Variants in FAM117B observed in about 807,000 individuals in gnomAD.
FAM117B encodes the protein family with sequence similarity 117 member B.
In FAM117B, 22 loss-of-function variants were observed where a neutral mutation model predicts 52.8. The observed-to-expected ratio is 0.42, with a 90% CI of 0.30 to 0.59. The LOEUF is 0.59. Among genes scored for constraint, FAM117B ranks in the 20% least tolerant of loss-of-function variants. The pLI is 0.22. For missense variants in FAM117B, 678 were observed against 802.6 expected (o/e 0.84, Z 1.88); for synonymous variants, 309 against 324.1 (o/e 0.95, Z 0.50).
At chr2:202,759,439 G>T in intron 7 of FAM117B, 86 bp downstream of exon 7, 1 of 1,519,536 alleles carries the variant, frequency 6.6e-7, no homozygotes, top group Non-Finnish European at 8.8e-7. Flanking sequence ...ATCTAGGCTG[G>T]ACTGCACTGA....
At chr2:202,715,142 G>C (rs1691025628) in intron 2 of FAM117B, among the ~76,000 whole-genome samples, 1 of 151,062 alleles carries the variant, frequency 6.6e-6, no homozygotes, top group Non-Finnish European at 1.5e-5. Context: ...CCCGGACGGG[G>C]CGGCTGGCCG....
chr2:202,637,738 A>G (rs73992615), intron 1 of FAM117B, among the ~76,000 whole-genome samples: 13,734 of 152,048 alleles, frequency 0.09, 2,087 homozygotes, highest in African/African-American at 0.31. Context: ...CAGAGTTGGT[A>G]TTTATTTGAA....
At chr2:202,707,789 G>A (rs199884472) in intron 2 of FAM117B, among the ~76,000 whole-genome samples, 3 of 148,448 alleles carry the variant, frequency 2.0e-5, no homozygotes, top group East Asian at 2.0e-4. Context: ...TTTTTTTTGA[G>A]ACAGAGTCTT....
intron 2 of FAM117B, among the ~76,000 whole-genome samples, chr2:202,719,440 T>C (rs908343544): frequency 3.9e-5 from 6 of 152,316 alleles, no homozygotes; most frequent in Non-Finnish European, 7.4e-5. Flanking sequence ...GCAAGGATAT[T>C]AAGTACCAGT....
At chr2:202,699,884 A>G (rs1329755223) in intron 2 of FAM117B, among the ~76,000 whole-genome samples, 1 of 152,024 alleles carries the variant, frequency 6.6e-6, no homozygotes, top group East Asian at 1.9e-4. Context: ...TCTCTGCCCC[A>G]TTTTGGTAGT....
chr2:202,687,224 A>G (rs1690554746), intron 1 of FAM117B, among the ~76,000 whole-genome samples: 1 of 152,224 alleles, frequency 6.6e-6, no homozygotes, highest in South Asian at 2.1e-4. Context: ...TTTGTATGAC[A>G]CCTTTTAAAA....
At chr2:202,685,425 C>T (rs952981463) in intron 1 of FAM117B, among the ~76,000 whole-genome samples, 2 of 152,138 alleles carry the variant, frequency 1.3e-5, no homozygotes, top group African/African-American at 4.8e-5. Context: ...ATAATATAAG[C>T]CTGCAGTTAA....
At chr2:202,680,407 C>CT (rs1203808672) in intron 1 of FAM117B, among the ~76,000 whole-genome samples, 2 of 151,944 alleles carry the variant, frequency 1.3e-5, no homozygotes, top group African/African-American at 4.8e-5. Flanking sequence ...TACCCTAAAA[C>CT]TTAAAGTATA....
At chr2:202,668,146 A>G (rs1690233793) in intron 1 of FAM117B, among the ~76,000 whole-genome samples, 1 of 140,522 alleles carries the variant, frequency 7.1e-6, no homozygotes, top group African/African-American at 2.8e-5. Flanking sequence ...ATAAAAATAT[A>G]TAAATATATA....
chr2:202,661,768 T>C (rs761865674), intron 1 of FAM117B, among the ~76,000 whole-genome samples: 1 of 151,818 alleles, frequency 6.6e-6, no homozygotes, highest in Non-Finnish European at 1.5e-5. Flanking sequence ...ATACAAAAAT[T>C]AGCCGGGCAT....
At position 202,690,259 on chromosome 2, in the gene FAM117B, G is replaced by A. The variant is rs577306206; in HGVS notation, c.602-5622G>A. ...TTATTTACTTTGAATTAACCAAAAA[G>A]CATGTGAATTTATTGCATACACTTG... is the stretch of plus-strand genomic sequence containing the variant. On this transcript the variant is annotated intron_variant, in intron 1 of 7. Coordinates refer to ENST00000392238, the MANE Select transcript of FAM117B (RefSeq NM_173511.4). Among the ~76,000 whole-genome samples, 30 of 152,300 alleles carry A rather than the reference G, an allele frequency of 2.0e-4. No individual in the cohort carries two copies. The South Asian group carries it at 5.8e-3, about 30-fold the overall frequency.
intron 1 of FAM117B, among the ~76,000 whole-genome samples, chr2:202,664,119 C>A (rs1277825258): frequency 6.6e-6 from 1 of 152,222 alleles, no homozygotes; most frequent in African/African-American, 2.4e-5. Context: ...TTATATACTT[C>A]TGTGCATTTT....
intron 1 of FAM117B, among the ~76,000 whole-genome samples, chr2:202,645,372 T>C (rs933619064): frequency 1.3e-5 from 2 of 151,422 alleles, no homozygotes; most frequent in African/African-American, 2.4e-5. Flanking sequence ...CACTGCAGGC[T>C]CCGCCCCCCG....
chr2:202,766,037 T>C lies in FAM117B; in HGVS notation c.*273T>C, dbSNP rs567169226. 40 of 417,784 alleles carry C rather than the reference T, an allele frequency of 9.6e-5. 1 individual carries two copies. Among genetic ancestry groups the C allele is most frequent in the South Asian group, 9.5e-4 (31 of 32,550 alleles). 25.9% of individuals were successfully genotyped at this position (417,784 alleles called of 1,614,324 possible). ...CTTTGGAGAGACAATATCACGTTTTTGTTTTCGAATTAGACTTCTTTAAAA... is the reference window on the plus strand; with the variant it reads ...CTTTGGAGAGACAATATCACGTTTTCGTTTTCGAATTAGACTTCTTTAAAA... On this transcript the variant is annotated 3_prime_UTR_variant, in exon 8 of 8. Coordinates refer to ENST00000392238, the MANE Select transcript of FAM117B (RefSeq NM_173511.4).
intron 2 of FAM117B, among the ~76,000 whole-genome samples, chr2:202,715,592 C>T (rs571132711): frequency 6.6e-6 from 1 of 151,812 alleles, no homozygotes; most frequent in Non-Finnish European, 1.5e-5. Flanking sequence ...CTCCTCACTT[C>T]CCAGACTGGG....
intron 1 of FAM117B, among the ~76,000 whole-genome samples, chr2:202,671,736 C>T (rs919101121): frequency 6.6e-5 from 10 of 152,192 alleles, no homozygotes; most frequent in African/African-American, 2.4e-4. Flanking sequence ...GTGTAAGTAC[C>T]TACCCTAACC....
chr2:202,709,344 A>G (rs1690925326), intron 2 of FAM117B, among the ~76,000 whole-genome samples: 1 of 152,116 alleles, frequency 6.6e-6, no homozygotes, highest in Non-Finnish European at 1.5e-5. Flanking sequence ...CTGGGATTAC[A>G]GGCACCCGCC....
intron 1 of FAM117B, among the ~76,000 whole-genome samples, chr2:202,640,684 A>T (rs1276188022): frequency 1.3e-5 from 2 of 151,176 alleles, no homozygotes; most frequent in Non-Finnish European, 2.9e-5. Flanking sequence ...ATCTCGGCTC[A>T]CTGCAACCTC....
intron 1 of FAM117B, among the ~76,000 whole-genome samples, chr2:202,642,651 G>C (rs903864177): frequency 1.3e-5 from 2 of 152,070 alleles, no homozygotes; most frequent in Admixed American, 6.6e-5. Context: ...TCTAGATTGT[G>C]GCAAATAACA....
Sources: gnomAD v4.1 joint callset for allele counts (sites outside exome capture counted in the v4.1 genomes callset) on GRCh38, gnomAD v4.1.1 for gene constraint, MANE v1.5 for transcripts, NCBI Gene and HGNC (gene_info 2026-07-23, HGNC 2026-07-21) for gene names.